UNC80: variants seen among roughly 807,000 people sequenced by gnomAD.
UNC80 encodes the protein unc-80 subunit of NALCN channel complex.
UNC80 carries 164 observed loss-of-function variants against 384.6 expected under a neutral mutation model. The observed-to-expected ratio is 0.43, with a 90% confidence interval of 0.38 to 0.49. The LOEUF is 0.49. Ranked by LOEUF, UNC80 falls within the 20% of genes least tolerant of loss-of-function variation. The pLI is 0.00. For missense variants in UNC80, 3,330 were observed against 4,143.0 expected, an observed-to-expected ratio of 0.80 and a Z score of 5.39; for synonymous variants, 1,486 against 1,527.8, an observed-to-expected ratio of 0.97 and a Z score of 0.64.
At chr2:209,979,458 A>C (rs2125020242) in intron 59 of UNC80, among the ~76,000 whole-genome samples, 1 of 152,304 alleles carries the variant, frequency 6.6e-6, no homozygotes, top group African/African-American at 2.4e-5. Context: ...CCTAGGACTC[A>C]GAAAAGACCA....
chr2:209,995,159 G>A (rs1281418228), intron 64 of UNC80, among the ~76,000 whole-genome samples, 170 bp from the exon 65 acceptor site: 1 of 152,174 alleles, frequency 6.6e-6, no homozygotes, highest in Non-Finnish European at 1.5e-5. Flanking sequence ...CAAAAACTGA[G>A]GGTTAGAAAG....
chr2:209,951,985 C>T (rs2124991573), intron 47 of UNC80, among the ~76,000 whole-genome samples: 1 of 152,288 alleles, frequency 6.6e-6, no homozygotes, highest in East Asian at 1.9e-4. Flanking sequence ...CTACTATTAA[C>T]ACTTACCTTT....
intron 22 of UNC80, among the ~76,000 whole-genome samples, chr2:209,851,329 T>A (rs942463807): frequency 1.3e-5 from 2 of 152,134 alleles, no homozygotes; most frequent in South Asian, 4.1e-4. Flanking sequence ...AACTGGTTAA[T>A]AATGAGAGCA....
At chr2:209,846,192 TAACTTCACTGATTTG>T (rs1377374824) in intron 21 of UNC80, among the ~76,000 whole-genome samples, 3 of 152,166 alleles carry the variant, frequency 2.0e-5, no homozygotes, top group Non-Finnish European at 4.4e-5. Context: ...TGCAGTACTT[TAACTTCACTGATTTG>T]AGATGAAATG....
chr2:209,772,237 T>TGAG lies in UNC80; in HGVS notation c.92+74_92+75insAGG. Reference sequence around the variant, plus strand: ...CTCCTGGGGCCGCCCGGGTCGCCGCTGCCGCCGCCGCCGCTGAGGCCGCGC... The same window carrying TGAG: ...CTCCTGGGGCCGCCCGGGTCGCCGCTGAGGCCGCCGCCGCCGCTGAGGCCGCGC... On this transcript the variant is annotated intron_variant, in intron 1 of 64. Transcript: ENST00000673920. The TGAG allele has an allele frequency of 4.7e-6, 4 of 854,962 alleles. No individual in the cohort carries two copies. The South Asian group carries it at 2.2e-4, about 46-fold the overall frequency. The allele number at this position is 854,962 out of a possible 1,614,324, so 53.0% of individuals were successfully genotyped here.
At chr2:209,827,829 TA>T (rs774380931) in intron 14 of UNC80, among the ~76,000 whole-genome samples, 3 of 152,180 alleles carry the variant, frequency 2.0e-5, no homozygotes, top group Non-Finnish European at 2.9e-5. Flanking sequence ...AAGGTTATTC[TA>T]ACGATATTTG....
rs762814371 is a variant in UNC80 at position 209,888,111 on chromosome 2, G to C, written c.4127G>C (p.Arg1376Thr). 2 of 1,551,594 alleles carry C rather than the reference G, an allele frequency of 1.3e-6. No homozygotes were observed. The highest frequency in any genetic ancestry group is 2.0e-5 in the Admixed American group (1 of 50,990). ...TEPLVDLESCRLRLDPELDRH... is the reference protein window; with the variant it reads ...TEPLVDLESCTLRLDPELDRH... The stretch of plus-strand genomic sequence containing the variant: ...GCATTTTAGGACTTGGAGAGCTGCA[G>C]ACTTCGTTTGGATCCCGAGTTGGAC... Residue 1376 changes from arginine to threonine, a missense_variant, in exon 26 of 65, where the codon AGA (arginine) becomes ACA (threonine). Coordinates refer to ENST00000673920, the MANE Select transcript of UNC80 (RefSeq NM_001371986.1).
In UNC80 at chr2:209,943,529, T is replaced by G. The variant is rs1372067700; in HGVS notation, c.7050+15T>G. 7 of 1,547,294 alleles carry G rather than the reference T, an allele frequency of 4.5e-6. No homozygotes were observed. Among genetic ancestry groups the G allele is most frequent in the African/African-American group, 1.4e-5 (1 of 72,534 alleles). On this transcript the variant is annotated intron_variant, in intron 45 of 64. Transcript: ENST00000673920. Reference sequence around the variant, plus strand: ...TGGAATTTCCTGTAAGTAAGCTCTGTGGGAAAAAAAAATGAAGACCAACAA... The same window carrying G: ...TGGAATTTCCTGTAAGTAAGCTCTGGGGGAAAAAAAAATGAAGACCAACAA...
rs2093506020 is a variant in UNC80 at position 209,997,852 on chromosome 2, T to C, written c.*2257T>C. On this transcript the variant is annotated 3_prime_UTR_variant, in exon 65 of 65. Coordinates refer to ENST00000673920, the MANE Select transcript of UNC80 (RefSeq NM_001371986.1). Reference sequence around the variant, plus strand: ...TTGAATGTAATGTGTTGAATGTTTATGTGTAATGGCTAAAGTATCTATATG... The same window carrying C: ...TTGAATGTAATGTGTTGAATGTTTACGTGTAATGGCTAAAGTATCTATATG... 6.6e-6 allele frequency: 1 copy of C among 152,156 alleles called. No individual in the cohort carries two copies. Among genetic ancestry groups the C allele is most frequent in the African/African-American group, 2.4e-5 (1 of 41,434 alleles). 9.4% of individuals were successfully genotyped at this position (152,156 alleles called of 1,614,324 possible).
intron 5 of UNC80, among the ~76,000 whole-genome samples, chr2:209,787,270 A>C (rs1024454044): frequency 4.9e-5 from 7 of 142,972 alleles, no homozygotes; most frequent in African/African-American, 1.7e-4. Flanking sequence ...AGACATTGCC[A>C]TCTTAGTTTC....
chr2:209,872,652 A>G lies in UNC80; in HGVS notation c.3628-106A>G, dbSNP rs1473274917. On this transcript the variant is annotated intron_variant, in intron 22 of 64. Coordinates refer to ENST00000673920, the MANE Select transcript of UNC80 (RefSeq NM_001371986.1). This position sits in a 1 kb window ranked among gnomAD's most constrained non-coding sequence, Gnocchi z 4.1. ...AAATATGGCCAATATAAATCAAAAC[A>G]TGAAGAGGAAAATAAACTAAAAATA... is the stretch of plus-strand genomic sequence containing the variant. 1 of 1,077,582 alleles carries G rather than the reference A, an allele frequency of 9.3e-7. No homozygotes were observed. The highest frequency in any genetic ancestry group is 2.1e-5 in the Admixed American group (1 of 47,160). The allele number at this position is 1,077,582 out of a possible 1,614,324, so 66.8% of individuals were successfully genotyped here. A position where few individuals can be genotyped will look rare whatever the true frequency, so the allele number is the denominator to read the frequency against.
chr2:209,886,992 A>T (rs546935714), intron 25 of UNC80, among the ~76,000 whole-genome samples: 1 of 151,938 alleles, frequency 6.6e-6, no homozygotes, highest in Non-Finnish European at 1.5e-5. Context: ...GAGGCCACCC[A>T]CATTTCTTGG....
chr2:209,778,181 T>C (rs1353047949), intron 4 of UNC80, among the ~76,000 whole-genome samples: 1 of 152,168 alleles, frequency 6.6e-6, no homozygotes, highest in Non-Finnish European at 1.5e-5. Flanking sequence ...GGCAGGTGAA[T>C]CACTTGAGGT....
chr2:209,818,841 A>G (rs1398988684), intron 11 of UNC80, among the ~76,000 whole-genome samples, 152 bp from the exon 12 acceptor site: 1 of 152,186 alleles, frequency 6.6e-6, no homozygotes, highest in African/African-American at 2.4e-5. Flanking sequence ...CAGTAGTCCC[A>G]TGAGAGCTGA....
At chr2:209,849,899 A>G (rs1160939715) in intron 22 of UNC80, among the ~76,000 whole-genome samples, 1 of 152,108 alleles carries the variant, frequency 6.6e-6, no homozygotes, top group Admixed American at 6.6e-5. Flanking sequence ...CTGTAAAATG[A>G]GTGTAAGAGC....
intron 22 of UNC80, among the ~76,000 whole-genome samples, chr2:209,850,055 A>G (rs2082414731): frequency 1.3e-5 from 2 of 152,128 alleles, no homozygotes; most frequent in Admixed American, 6.6e-5. Context: ...TATGTCTGCC[A>G]TGTATTAGTC....
chr2:209,915,848 G>C (rs2089475539), intron 31 of UNC80, among the ~76,000 whole-genome samples: 1 of 152,102 alleles, frequency 6.6e-6, no homozygotes, highest in Non-Finnish European at 1.5e-5. Flanking sequence ...ACAAAGTATT[G>C]TATATTTTAA....
intron 6 of UNC80, among the ~76,000 whole-genome samples, chr2:209,792,023 A>G (rs1265225811): frequency 6.6e-6 from 1 of 152,104 alleles, no homozygotes; most frequent in African/African-American, 2.4e-5. Context: ...TAGAATGTAG[A>G]CTTGGCATGG....
Position 209,894,216 on chromosome 2 carries a change from AC to A in UNC80, c.4333del (p.Arg1445AlafsTer5). On this transcript the variant is annotated frameshift_variant, in exon 27 of 65. Coordinates refer to ENST00000673920, the MANE Select transcript of UNC80 (RefSeq NM_001371986.1). LOFTEE classifies it high-confidence loss of function. ...GGSRLLQIKGTRSFQVKKGGS... is the reference protein window; with the variant it reads ...GGSRLLQIKGXRSFQVKKGGS... ...TTCTCGCCTGCTCCAGATTAAAGGA[AC>A]CCGCAGTTTCCAGGTGAAGAAGGGG... 1 of 985,352 alleles carries A rather than the reference AC, an allele frequency of 1.0e-6. No individual in the cohort carries two copies. The highest frequency in any genetic ancestry group is 1.2e-6 in the Non-Finnish European group (1 of 829,902). The allele number at this position is 985,352 out of a possible 1,614,324, so 61.0% of individuals were successfully genotyped here. A position where few individuals can be genotyped will look rare whatever the true frequency, so the allele number is the denominator to read the frequency against.
Sources: allele counts gnomAD v4.1 joint callset (sites outside exome capture counted in the v4.1 genomes callset), GRCh38; gene constraint gnomAD v4.1.1; non-coding constraint Gnocchi (gnomAD v3.1); transcripts MANE v1.5; gene names NCBI Gene and HGNC (gene_info 2026-07-23, HGNC 2026-07-21).